The following ABR variants were observed in gnomAD, a reference collection of about 807,000 sequenced individuals.
ABR encodes the protein ABR activator of RhoGEF and GTPase, also known as active breakpoint cluster region-related protein.
ABR carries 35 observed loss-of-function variants against 107.2 expected under a neutral mutation model. The ratio of observed to expected loss-of-function variants is 0.33; its 90% CI spans 0.25 to 0.43. The LOEUF is 0.43. Among genes scored for constraint, ABR ranks in the 20% least tolerant of loss-of-function variants. The pLI is 1.00. For missense variants in ABR, 815 were observed against 1,115.2 expected (o/e 0.73, Z 3.83); for synonymous variants, 498 against 462.0 (o/e 1.08, Z -1.00).
rs145123550 is a variant in ABR, at chr17:1,200,313, G to A, written c.838+28480C>T. On this transcript the variant is annotated intron_variant, in intron 1 of 22. Coordinates refer to the ABR transcript ENST00000574139. The surrounding 1 kb of genome is among the most constrained non-coding windows in gnomAD (Gnocchi z 4.1). ...GCCTGTAATCCCAACACTTTCGGAC[G>A]ATCGCTTGAAGCCAGGAGTTCAAGA... 3.9e-3 allele frequency among the ~76,000 whole-genome samples: 597 copies of A among 152,166 alleles called. 1 individual carries two copies. The highest frequency in any genetic ancestry group is 5.7e-3 in the Non-Finnish European group (391 of 68,006).
rs558773319 is a variant in ABR at position 1,177,257 on chromosome 17, CA to C, written c.61+2409del. Among the ~76,000 whole-genome samples the C allele has an allele frequency of 2.9e-3, 448 of 152,330 alleles. 3 individuals are homozygous for C. Among genetic ancestry groups the C allele is most frequent in the Admixed American group, 4.6e-3 (71 of 15,290 alleles). ...AGAGGAAAGTTGATGGCTAACAGCC[CA>C]AACATGACTGCACAGCACCTCCCCG... On this transcript the variant is annotated intron_variant, in intron 1 of 22. Transcript: ENST00000302538.
intron 1 of ABR, among the ~76,000 whole-genome samples, chr17:1,129,159 G>A (rs747863350): frequency 7.2e-5 from 11 of 152,148 alleles, no homozygotes; most frequent in East Asian, 1.9e-4. Flanking sequence ...GGAGGGGAAC[G>A]TCACACACTG....
upstream of ABR, among the ~76,000 whole-genome samples, chr17:1,191,568 C>G (rs938963460): frequency 6.6e-6 from 1 of 151,986 alleles, no homozygotes. Flanking sequence ...GTTGGTCAGG[C>G]TGGTCTCGAA....
Position 1,167,166 on chromosome 17 carries a change from AG to A in ABR, c.61+12500del, listed in dbSNP as rs2041545136. 2.2e-4 allele frequency among the ~76,000 whole-genome samples: 17 copies of A among 77,922 alleles called. 1 individual carries two copies. The South Asian group carries it at 5.3e-3, about 24-fold the overall frequency. The allele number at this position is 77,922 out of a possible 152,430, so 51.1% of individuals were successfully genotyped here. On this transcript the variant is annotated intron_variant, in intron 1 of 22. Transcript: ENST00000302538. ...AAAGCCTTGAGCTCTGGCTGGGCGG[AG>A]AGAGAGGCCACCAGTTGGATGTCTC...
At chr17:1,075,433 A>T (rs1270401635) in intron 6 of ABR, among the ~76,000 whole-genome samples, 10 of 152,280 alleles carry the variant, frequency 6.6e-5, no homozygotes, top group Admixed American at 3.3e-4. Context: ...CCAAAGCCTG[A>T]GATATAAATA....
At chr17:1,220,432 C>T (rs772804990) in intron 1 of ABR, among the ~76,000 whole-genome samples, 2 of 152,162 alleles carry the variant, frequency 1.3e-5, no homozygotes, top group African/African-American at 4.8e-5. Context: ...AGGATCGCTG[C>T]GGAAAGACTT....
chr17:1,228,421 GAGAGGGGTGACAGAC>G (rs1432999765), intron 1 of ABR: 1 of 152,468 alleles, frequency 6.6e-6, no homozygotes. Flanking sequence ...GGTGTGTGCA[GAGAGGGGTGACAGAC>G]AGAAGGGTGA....
chr17:1,159,522 G>A (rs78895510), intron 1 of ABR, among the ~76,000 whole-genome samples: 400 of 19,894 alleles, frequency 0.02, 25 homozygotes, highest in Middle Eastern at 0.091. Flanking sequence ...AGGAGAAGTA[G>A]GAATGCGGTA....
At chr17:1,203,583 G>T (rs2042729173) in intron 1 of ABR, among the ~76,000 whole-genome samples, 1 of 151,870 alleles carries the variant, frequency 6.6e-6, no homozygotes, top group Non-Finnish European at 1.5e-5. Context: ...CTCCAGGCGC[G>T]GTTAATCCAG....
chr17:1,162,896 A>T (rs1254068863), intron 1 of ABR, among the ~76,000 whole-genome samples: 1 of 152,024 alleles, frequency 6.6e-6, no homozygotes, highest in Admixed American at 6.6e-5. Context: ...ACATGGTGAA[A>T]CCCCGTCTCT....
chr17:1,034,892 C>T (rs905799270), intron 16 of ABR, among the ~76,000 whole-genome samples: 1 of 152,106 alleles, frequency 6.6e-6, no homozygotes, highest in Non-Finnish European at 1.5e-5. Flanking sequence ...GTGTGAATCC[C>T]GTTCCCAAGG....
chr17:1,022,957 C>T (rs2150836754), intron 16 of ABR, among the ~76,000 whole-genome samples: 1 of 152,392 alleles, frequency 6.6e-6, no homozygotes, highest in African/African-American at 2.4e-5. Context: ...AGCAACCTGC[C>T]TTCCCCAGCG....
At chr17:1,188,178 A>C (rs915710648), upstream of ABR, among the ~76,000 whole-genome samples, 2 of 152,062 alleles carry the variant, frequency 1.3e-5, no homozygotes, top group Non-Finnish European at 2.9e-5. Context: ...CTAACACCCC[A>C]GCCTGGGAGA....
At chr17:1,151,229 A>G (rs1284831718) in intron 1 of ABR, among the ~76,000 whole-genome samples, 1 of 152,178 alleles carries the variant, frequency 6.6e-6, no homozygotes, top group African/African-American at 2.4e-5. Context: ...ACCACACCTC[A>G]GAAGCTCAGC....
chr17:1,071,082 G>C lies in ABR; in HGVS notation c.895-992C>G, dbSNP rs900222144. Reference sequence around the variant, plus strand: ...GGAGGATGAGGCAGGAGAATTGCTTGAACCCAGAGGGTGGAGGCTGCAGTG... The same window carrying C: ...GGAGGATGAGGCAGGAGAATTGCTTCAACCCAGAGGGTGGAGGCTGCAGTG... On this transcript the variant is annotated intron_variant, in intron 8 of 22. Coordinates refer to ENST00000302538, the MANE Select transcript of ABR (RefSeq NM_021962.5). This position sits in a 1 kb window ranked among gnomAD's most constrained non-coding sequence, Gnocchi z 5.1. Among the ~76,000 whole-genome samples the C allele has an allele frequency of 6.6e-6, 1 of 152,140 alleles. No individual in the cohort carries two copies. Among genetic ancestry groups the C allele is most frequent in the African/African-American group, 2.4e-5 (1 of 41,426 alleles).
chr17:1,191,804 ACT>A (rs1367811272), upstream of ABR, among the ~76,000 whole-genome samples: 16 of 152,078 alleles, frequency 1.1e-4, no homozygotes, highest in African/African-American at 3.9e-4. Context: ...TGCCGTCAGG[ACT>A]CTGCATGTAT....
At chr17:1,133,462 T>C (rs1037758385) in intron 1 of ABR, among the ~76,000 whole-genome samples, 1 of 152,282 alleles carries the variant, frequency 6.6e-6, no homozygotes, top group African/African-American at 2.4e-5. Flanking sequence ...GAGTCAATTA[T>C]GGTTTTTCTA....
chr17:1,105,982 C>T (rs186454769), intron 2 of ABR, among the ~76,000 whole-genome samples: 1 of 152,344 alleles, frequency 6.6e-6, no homozygotes, highest in African/African-American at 2.4e-5. Context: ...ACGCCCCCGT[C>T]ACAACCCTAC....
rs746230040 is a variant in ABR, at chr17:1,004,238, C to T, written c.*1842G>A. The T allele has an allele frequency of 1.3e-5, 2 of 152,338 alleles. No individual in the cohort carries two copies. Among genetic ancestry groups the T allele is most frequent in the Non-Finnish European group, 2.9e-5 (2 of 68,076 alleles). 9.4% of individuals were successfully genotyped at this position (152,338 alleles called of 1,614,324 possible). On this transcript the variant is annotated 3_prime_UTR_variant, in exon 23 of 23. Transcript: ENST00000302538. ...TTAGACTCAAGTTCACCGCCTTTCC[C>T]AGGGAGCAAGGGCTCCTTGCTAAGC...
Sources: allele counts gnomAD v4.1 joint callset (sites outside exome capture counted in the v4.1 genomes callset), GRCh38; gene constraint gnomAD v4.1.1; non-coding constraint Gnocchi (gnomAD v3.1); transcripts MANE v1.5; gene names NCBI Gene and HGNC (gene_info 2026-07-23, HGNC 2026-07-21).